ZNF292: variants seen among roughly 807,000 people sequenced by gnomAD.
ZNF292 encodes zinc finger protein 292, also known as 16 zinc-finger domain protein.
ZNF292 carries 26 observed loss-of-function variants against 217.9 expected under a neutral mutation model. The ratio of observed to expected loss-of-function variants is 0.12; its 90% confidence interval spans 0.09 to 0.17. The LOEUF (loss-of-function observed/expected upper bound fraction) is 0.17. ZNF292 is among the 10% of genes least tolerant of loss of function. The probability of loss-of-function intolerance (pLI) is 1.00; values close to 1 mark genes in which losing one functional copy is unlikely to be tolerated. For synonymous variants in ZNF292, 1,257 were observed against 1,124.1 expected (o/e 1.12, Z -2.37); for missense variants, 2,904 against 3,175.2 (o/e 0.91, Z 2.05).
intron 5 of ZNF292, among the ~76,000 whole-genome samples, chr6:87,239,877 C>T (rs896998459): frequency 2.0e-5 from 3 of 149,644 alleles, no homozygotes; most frequent in Non-Finnish European, 3.0e-5. Flanking sequence ...ACTGGGCAGC[C>T]GGGCAGAGAG....
In ZNF292 at chr6:87,264,039, C is replaced by T. The variant is rs949578900; in HGVS notation, c.*2238C>T. 6.6e-6 allele frequency: 1 copy of T among 151,658 alleles called. No homozygotes were observed. Among genetic ancestry groups the T allele is most frequent in the African/African-American group, 2.4e-5 (1 of 41,230 alleles). The allele number at this position is 151,658 out of a possible 1,614,324, so 9.4% of individuals were successfully genotyped here. A position where few individuals can be genotyped will look rare whatever the true frequency, so the allele number is the denominator to read the frequency against. On this transcript the variant is annotated 3_prime_UTR_variant, in exon 8 of 8. Coordinates refer to ENST00000369577, the MANE Select transcript of ZNF292 (RefSeq NM_015021.3). ...ATTTTTATATTCCAGGTAATGTATACTAAAGGTAATTATGAGAGTGGGCTT... is the reference window on the plus strand; with the variant it reads ...ATTTTTATATTCCAGGTAATGTATATTAAAGGTAATTATGAGAGTGGGCTT...
At chr6:87,201,318 T>C (rs367796892) in intron 1 of ZNF292, among the ~76,000 whole-genome samples, 1 of 152,324 alleles carries the variant, frequency 6.6e-6, no homozygotes, top group East Asian at 1.9e-4. Context: ...TCCATTATGA[T>C]GTGTATTTTC....
In ZNF292 at chr6:87,218,583, T is replaced by G. The variant is rs1772905291; in HGVS notation, c.403-13T>G. 6.6e-7 allele frequency: 1 copy of G among 1,521,000 alleles called. No homozygotes were observed. Among genetic ancestry groups the G allele is most frequent in the Admixed American group, 2.4e-5 (1 of 41,794 alleles). 94.2% of individuals were successfully genotyped at this position (1,521,000 alleles called of 1,614,324 possible). ...CTGTTGTAATTCTTTGGATGTTTATTTAATATTTATAGGTAGCTCATGAAA... is the reference window on the plus strand; with the variant it reads ...CTGTTGTAATTCTTTGGATGTTTATGTAATATTTATAGGTAGCTCATGAAA... On this transcript the variant is annotated splice_polypyrimidine_tract_variant and intron_variant, in intron 3 of 7. Coordinates refer to ENST00000369577, the MANE Select transcript of ZNF292 (RefSeq NM_015021.3).
intron 1 of ZNF292, among the ~76,000 whole-genome samples, chr6:87,156,320 G>A (rs565662864): frequency 1.4e-4 from 21 of 152,308 alleles, no homozygotes; most frequent in African/African-American, 4.8e-4. Context: ...ATGTTCGGAG[G>A]AGCAGTCCCC....
At chr6:87,158,600 G>A (rs188328161) in intron 1 of ZNF292, among the ~76,000 whole-genome samples, 45 of 152,282 alleles carry the variant, frequency 3.0e-4, no homozygotes, top group African/African-American at 1.1e-3. Context: ...TTTGAACCCG[G>A]GAGGCAGAGG....
chr6:87,196,749 GACAC>G (rs1771963012), intron 1 of ZNF292, among the ~76,000 whole-genome samples: 2 of 152,156 alleles, frequency 1.3e-5, no homozygotes, highest in South Asian at 4.1e-4. Flanking sequence ...TTGTGTTCAT[GACAC>G]ACACACAAAA....
intron 1 of ZNF292, among the ~76,000 whole-genome samples, chr6:87,208,662 C>T (rs896716414): frequency 2.0e-5 from 3 of 151,946 alleles, no homozygotes; most frequent in African/African-American, 7.3e-5. Flanking sequence ...GTCTACTGGT[C>T]TTTAAATACC....
intron 1 of ZNF292, among the ~76,000 whole-genome samples, chr6:87,213,510 A>G (rs1169765813): frequency 6.6e-6 from 1 of 152,002 alleles, no homozygotes; most frequent in African/African-American, 2.4e-5. Context: ...CCAACTGGCT[A>G]TTTTAAAAAG....
At chr6:87,222,918 T>C (rs1773161023) in intron 4 of ZNF292, 1 of 432,874 alleles carries the variant, frequency 2.3e-6, no homozygotes, top group Non-Finnish European at 4.6e-6. Context: ...TGTCCCTCAA[T>C]TGAGATTTGT....
intron 1 of ZNF292, among the ~76,000 whole-genome samples, chr6:87,183,194 G>A (rs1410486080): frequency 6.6e-6 from 1 of 152,128 alleles, no homozygotes; most frequent in African/African-American, 2.4e-5. Context: ...ACACCTTAGA[G>A]TCAGTAAGGG....
chr6:87,197,017 A>C (rs1562134266), intron 1 of ZNF292, among the ~76,000 whole-genome samples: 1 of 152,252 alleles, frequency 6.6e-6, no homozygotes, highest in Non-Finnish European at 1.5e-5. Context: ...AGAGACCATC[A>C]GTGTGATAGA....
chr6:87,219,777 T>C (rs1465333324), intron 4 of ZNF292, among the ~76,000 whole-genome samples: 1 of 152,248 alleles, frequency 6.6e-6, no homozygotes, highest in Non-Finnish European at 1.5e-5. Context: ...AGCTACAGTG[T>C]TCTCGAGACC....
At chr6:87,186,539 C>T (rs547297753) in intron 1 of ZNF292, among the ~76,000 whole-genome samples, 28 of 152,162 alleles carry the variant, frequency 1.8e-4, no homozygotes, top group Non-Finnish European at 3.8e-4. Context: ...ACTTATGATA[C>T]TGTATGGATG....
chr6:87,171,025 A>G (rs899004660), intron 1 of ZNF292, among the ~76,000 whole-genome samples: 3 of 152,228 alleles, frequency 2.0e-5, no homozygotes, highest in African/African-American at 4.8e-5. Flanking sequence ...TAAAACATTA[A>G]TAATTCCACT....
At chr6:87,203,690 CAAGAT>C (rs2127791126) in intron 1 of ZNF292, among the ~76,000 whole-genome samples, 1 of 151,870 alleles carries the variant, frequency 6.6e-6, no homozygotes, top group South Asian at 2.1e-4. Flanking sequence ...AGACCCCACT[CAAGAT>C]AAGGAGGGCA....
At chr6:87,192,838 A>T in intron 1 of ZNF292, among the ~76,000 whole-genome samples, 1 of 152,130 alleles carries the variant, frequency 6.6e-6, no homozygotes, top group East Asian at 1.9e-4. Context: ...ACAGTATTGC[A>T]TTGCACGTCC....
intron 1 of ZNF292, among the ~76,000 whole-genome samples, chr6:87,168,264 T>A (rs150226027): frequency 1.5e-4 from 23 of 152,362 alleles, no homozygotes; most frequent in African/African-American, 4.1e-4. Context: ...TACTACTATG[T>A]AATACTTGCT....
intron 1 of ZNF292, among the ~76,000 whole-genome samples, chr6:87,159,393 G>A (rs570747363): frequency 6.6e-6 from 1 of 150,972 alleles, no homozygotes; most frequent in African/African-American, 2.4e-5. Context: ...TTTTATTTTT[G>A]AGAGATGGGG....
At chr6:87,193,077 C>A (rs1771863846) in intron 1 of ZNF292, among the ~76,000 whole-genome samples, 1 of 152,204 alleles carries the variant, frequency 6.6e-6, no homozygotes, top group Non-Finnish European at 1.5e-5. Flanking sequence ...GCAGCCTCCA[C>A]CTTTGGGCTC....
Sources: gnomAD v4.1 joint callset for allele counts (sites outside exome capture counted in the v4.1 genomes callset) on GRCh38, gnomAD v4.1.1 for gene constraint, MANE v1.5 for transcripts, NCBI Gene and HGNC (gene_info 2026-07-23, HGNC 2026-07-21) for gene names.